GBE1: variants seen among roughly 807,000 people sequenced by gnomAD.
The protein encoded by GBE1 is 1,4-alpha-glucan-branching enzyme.
In GBE1, 70 loss-of-function variants were observed where a neutral mutation model predicts 88.8. The observed-to-expected ratio is 0.79, with a 90% confidence interval of 0.65 to 0.96. The LOEUF (loss-of-function observed/expected upper bound fraction) is 0.96. GBE1 is among the 40% of genes least tolerant of loss of function. The pLI is 0.00. For synonymous variants in GBE1, 284 were observed against 300.1 expected (o/e 0.95, Z 0.56); for missense variants, 872 against 871.0 (o/e 1.00, Z -0.01).
At chr3:81,520,619 T>C (rs1412426606) in intron 14 of GBE1, among the ~76,000 whole-genome samples, 1 of 151,614 alleles carries the variant, frequency 6.6e-6, no homozygotes, top group Non-Finnish European at 1.5e-5. Flanking sequence ...TTTCTTTCTT[T>C]ACAGCTAAAC....
intron 1 of GBE1, among the ~76,000 whole-genome samples, chr3:81,713,658 G>A (rs1025645669): frequency 6.6e-6 from 1 of 152,078 alleles, no homozygotes; most frequent in African/African-American, 2.4e-5. Flanking sequence ...TGACATCATG[G>A]TACACATGGT....
chr3:81,638,591 C>T (rs1456721373), intron 7 of GBE1, among the ~76,000 whole-genome samples: 1 of 152,088 alleles, frequency 6.6e-6, no homozygotes, highest in African/African-American at 2.4e-5. Flanking sequence ...TCAGAAAGTT[C>T]TCTTTACCAA....
In GBE1 at chr3:81,525,031, G is replaced by A. The variant is rs958401856; in HGVS notation, c.1934+10164C>T. ...TGGTCATTGGTATACGGCCATTCAGGAATATATTGTTCTATTTGAATGTGT... is the reference window on the plus strand; with the variant it reads ...TGGTCATTGGTATACGGCCATTCAGAAATATATTGTTCTATTTGAATGTGT... On this transcript the variant is annotated intron_variant, in intron 14 of 15. Coordinates refer to ENST00000429644, the MANE Select transcript of GBE1 (RefSeq NM_000158.4). Among the ~76,000 whole-genome samples, 5 of 151,866 alleles carry A rather than the reference G, an allele frequency of 3.3e-5. No individual in the cohort carries two copies. In the South Asian group the frequency reaches 1.0e-3, roughly 32 times the overall value.
At chr3:81,697,475 T>C (rs1047987328) in intron 2 of GBE1, among the ~76,000 whole-genome samples, 3 of 152,050 alleles carry the variant, frequency 2.0e-5, no homozygotes, top group Admixed American at 2.0e-4. Context: ...AATTTTTTTG[T>C]ATTTTTAGTG....
chr3:81,722,307 T>A (rs1324537878), intron 1 of GBE1, among the ~76,000 whole-genome samples: 8 of 152,104 alleles, frequency 5.3e-5, no homozygotes, highest in Admixed American at 4.6e-4. Flanking sequence ...AGAATCAAGT[T>A]TAAAGGGTTG....
At chr3:81,590,541 C>T (rs1703863236) in intron 9 of GBE1, among the ~76,000 whole-genome samples, 1 of 152,014 alleles carries the variant, frequency 6.6e-6, no homozygotes, top group African/African-American at 2.4e-5. Context: ...CATGAACCTT[C>T]AACAATCATG....
At chr3:81,501,686 C>CT (rs35149061) in intron 14 of GBE1, among the ~76,000 whole-genome samples, 17,756 of 71,460 alleles carry the variant, frequency 0.25, 4,764 homozygotes, top group Middle Eastern at 0.35. Flanking sequence ...CTTAGGGGCA[C>CT]TTTTTTTTTT....
At chr3:81,618,518 T>C (rs1422461463) in intron 7 of GBE1, among the ~76,000 whole-genome samples, 1 of 152,114 alleles carries the variant, frequency 6.6e-6, no homozygotes, top group East Asian at 1.9e-4. Flanking sequence ...AGGATCATTT[T>C]CGTGTTAATT....
intron 7 of GBE1, 117 bp downstream of exon 7, chr3:81,642,664 C>T: frequency 1.5e-6 from 1 of 681,952 alleles, no homozygotes; most frequent in Admixed American, 2.9e-5. Context: ...AAAATAAATC[C>T]AATTAAGAAC....
chr3:81,594,484 T>C (rs532306845), intron 7 of GBE1, among the ~76,000 whole-genome samples: 10 of 152,196 alleles, frequency 6.6e-5, no homozygotes, highest in African/African-American at 2.4e-4. Flanking sequence ...ATTTTCATTA[T>C]CAGTAGAAAA....
chr3:81,663,554 T>A (rs984203542), intron 3 of GBE1, among the ~76,000 whole-genome samples: 2 of 152,112 alleles, frequency 1.3e-5, no homozygotes, highest in African/African-American at 4.8e-5. Context: ...AAACCTTGCA[T>A]TCATTCTCCA....
chr3:81,750,639 A>ATG (rs1706507446), intron 1 of GBE1, among the ~76,000 whole-genome samples: 1 of 54,544 alleles, frequency 1.8e-5, no homozygotes, highest in African/African-American at 1.2e-4. Flanking sequence ...ACGTATATAT[A>ATG]TATATGTATA....
rs138915090 is a variant in GBE1, at chr3:81,546,773, C to T, written c.1619-9678G>A. On this transcript the variant is annotated intron_variant, in intron 12 of 15. Transcript: ENST00000429644. Reference sequence around the variant, plus strand: ...ACCATAAAAATGAACAACCAGCAGCCCTTGGGGCTGCTCTGTCTATGGAGT... The same window carrying T: ...ACCATAAAAATGAACAACCAGCAGCTCTTGGGGCTGCTCTGTCTATGGAGT... 9.2e-3 allele frequency among the ~76,000 whole-genome samples: 1,386 copies of T among 151,416 alleles called. 69 individuals are homozygous for T. Among genetic ancestry groups the T allele is most frequent in the Non-Finnish European group, 0.014 (975 of 67,576 alleles).
intron 7 of GBE1, among the ~76,000 whole-genome samples, chr3:81,628,771 A>ATATATG (rs1704457866): frequency 8.1e-6 from 1 of 123,196 alleles, no homozygotes; most frequent in Non-Finnish European, 1.8e-5. Flanking sequence ...ATATATATAT[A>ATATATG]TATATATATA....
In GBE1 at chr3:81,490,137, C is replaced by A; in HGVS notation, c.*270G>T. 2.7e-6 allele frequency: 1 copy of A among 375,432 alleles called. No homozygotes were observed. Among genetic ancestry groups the A allele is most frequent in the Non-Finnish European group, 4.7e-6 (1 of 211,504 alleles). The allele number at this position is 375,432 out of a possible 1,614,324, so 23.3% of individuals were successfully genotyped here. On this transcript the variant is annotated 3_prime_UTR_variant, in exon 16 of 16. Transcript: ENST00000429644. ...AGCCAGGAAAGCAAAATGTTTTTAACATATTATATATAACACTTCCATTTG... is the reference window on the plus strand; with the variant it reads ...AGCCAGGAAAGCAAAATGTTTTTAAAATATTATATATAACACTTCCATTTG...
chr3:81,583,115 C>T (rs764369885), intron 10 of GBE1, among the ~76,000 whole-genome samples: 4 of 152,186 alleles, frequency 2.6e-5, no homozygotes, highest in South Asian at 4.1e-4. Context: ...CAAATAAGCA[C>T]ATGTTTGGTA....
intron 7 of GBE1, among the ~76,000 whole-genome samples, chr3:81,614,413 G>C (rs1704221685): frequency 6.6e-6 from 1 of 152,146 alleles, no homozygotes; most frequent in African/African-American, 2.4e-5. Flanking sequence ...TCCCTGATTT[G>C]ACTAAATTAA....
intron 2 of GBE1, among the ~76,000 whole-genome samples, chr3:81,702,219 T>C (rs1705705808): frequency 6.7e-6 from 1 of 150,190 alleles, no homozygotes; most frequent in African/African-American, 2.4e-5. Flanking sequence ...GTCATCACAA[T>C]AAAAATTCTG....
intron 15 of GBE1, among the ~76,000 whole-genome samples, chr3:81,496,556 A>G (rs901539421): frequency 6.6e-6 from 1 of 152,194 alleles, no homozygotes; most frequent in African/African-American, 2.4e-5. Flanking sequence ...GTCTGCAAGT[A>G]TGGGAGGTAT....
Sources: gnomAD v4.1 joint callset for allele counts (sites outside exome capture counted in the v4.1 genomes callset) on GRCh38, gnomAD v4.1.1 for gene constraint, MANE v1.5 for transcripts, NCBI Gene and HGNC (gene_info 2026-07-23, HGNC 2026-07-21) for gene names.